LARP4B: variants seen among roughly 807,000 people sequenced by gnomAD.
The protein encoded by LARP4B is la-related protein 4B.
In LARP4B, 12 loss-of-function variants were observed where a neutral mutation model predicts 89.8. The observed-to-expected ratio is 0.13, with a 90% CI of 0.09 to 0.22. The LOEUF is 0.22. Among genes scored for constraint, LARP4B ranks in the 10% least tolerant of loss-of-function variants. The pLI is 1.00. For synonymous variants in LARP4B, 367 were observed against 363.3 expected (o/e 1.01, Z -0.12); for missense variants, 757 against 947.7 (o/e 0.80, Z 2.64).
intron 1 of LARP4B, among the ~76,000 whole-genome samples, chr10:910,558 T>A (rs1836640220): frequency 6.6e-6 from 1 of 152,210 alleles, no homozygotes; most frequent in African/African-American, 2.4e-5. Flanking sequence ...TTGGACTGTT[T>A]TTCAAACTCC....
At chr10:980,355 G>A in the LARP4B span, among the ~76,000 whole-genome samples, 1 of 152,230 alleles carries the variant, frequency 6.6e-6, no homozygotes, top group African/African-American at 2.4e-5. Context: ...CAGTGCCCCA[G>A]TGGGGACTCT....
chr10:895,648 G>C (rs1836165062), intron 1 of LARP4B, among the ~76,000 whole-genome samples: 1 of 150,286 alleles, frequency 6.7e-6, no homozygotes, highest in Non-Finnish European at 1.5e-5. Flanking sequence ...ACTCCAGCCT[G>C]GGCAACAGAG....
chr10:891,661 A>T (rs1442463477), intron 1 of LARP4B, among the ~76,000 whole-genome samples: 1 of 152,186 alleles, frequency 6.6e-6, no homozygotes, highest in African/African-American at 2.4e-5. Context: ...ATAAAAGGTT[A>T]AAAAAGTAAC....
chr10:890,287 G>C (rs1211629735), intron 1 of LARP4B, among the ~76,000 whole-genome samples: 1 of 152,080 alleles, frequency 6.6e-6, no homozygotes, highest in East Asian at 1.9e-4. Context: ...ATCCAATTGT[G>C]TAAACTGTAT....
intron 1 of LARP4B, among the ~76,000 whole-genome samples, chr10:922,955 G>C (rs1185259883): frequency 6.6e-6 from 1 of 151,970 alleles, no homozygotes; most frequent in East Asian, 1.9e-4. Flanking sequence ...CACGCCTGCA[G>C]TCCCAGTTAC....
At position 877,493 on chromosome 10, in the gene LARP4B, G is replaced by GT. The variant is rs111418362; in HGVS notation, c.141+6953dup. Among the ~76,000 whole-genome samples, 471 of 152,320 alleles carry GT rather than the reference G, an allele frequency of 3.1e-3. 5 individuals carry two copies. The highest frequency in any genetic ancestry group is 0.011 in the African/African-American group (456 of 41,558). On this transcript the variant is annotated intron_variant, in intron 3 of 17. Coordinates refer to ENST00000316157, the MANE Select transcript of LARP4B (RefSeq NM_015155.3). The stretch of plus-strand genomic sequence containing the variant: ...ATGAAATAACGGTGCCAAATACAAA[G>GT]TATTTCCTCTTGAGTTTGGACTCTG...
At chr10:951,506 A>C in the LARP4B span, among the ~76,000 whole-genome samples, 1 of 152,048 alleles carries the variant, frequency 6.6e-6, no homozygotes, top group Non-Finnish European at 1.5e-5. Flanking sequence ...AGATCGCGCC[A>C]CTGCACTCCA....
intron 8 of LARP4B, among the ~76,000 whole-genome samples, chr10:833,896 A>G (rs1051007825): frequency 2.6e-5 from 4 of 152,090 alleles, no homozygotes; most frequent in Admixed American, 6.5e-5. Flanking sequence ...TCAAAAAAAA[A>G]AAAAAAAAAG....
At chr10:942,932 T>C in the LARP4B span, among the ~76,000 whole-genome samples, 21 of 148,772 alleles carry the variant, frequency 1.4e-4, no homozygotes, top group Admixed American at 1.1e-3. Flanking sequence ...ATGATCACAG[T>C]CCAAGCTGAC....
chr10:900,272 G>A (rs897390961), intron 1 of LARP4B, among the ~76,000 whole-genome samples: 1 of 151,918 alleles, frequency 6.6e-6, no homozygotes, highest in South Asian at 2.1e-4. Flanking sequence ...GCTTGAACCT[G>A]GGAGAAGAAG....
chr10:962,462 G>GT, the LARP4B span, among the ~76,000 whole-genome samples: 3 of 152,264 alleles, frequency 2.0e-5, no homozygotes, highest in Non-Finnish European at 2.9e-5. Context: ...AACTCAGTCC[G>GT]TAAGAGTGCA....
chr10:926,129 A>C (rs1452168113), intron 1 of LARP4B, among the ~76,000 whole-genome samples: 2 of 152,200 alleles, frequency 1.3e-5, no homozygotes, highest in Non-Finnish European at 2.9e-5. Context: ...TACTTTCACT[A>C]AACATCTACA....
At chr10:820,640 G>C (rs749715234) in intron 14 of LARP4B, 160 bp downstream of exon 14, 1 of 663,482 alleles carries the variant, frequency 1.5e-6, no homozygotes, top group African/African-American at 1.8e-5. Context: ...TTCCTCCTAG[G>C]CCAGCCAGGG....
intron 8 of LARP4B, among the ~76,000 whole-genome samples, chr10:834,605 C>G (rs1175053228): frequency 6.6e-6 from 1 of 151,880 alleles, no homozygotes; most frequent in Non-Finnish European, 1.5e-5. Flanking sequence ...TCCTTTTTTT[C>G]CCCAACTTTT....
intron 1 of LARP4B, among the ~76,000 whole-genome samples, chr10:905,720 A>G (rs554927703): frequency 6.7e-6 from 1 of 149,756 alleles, no homozygotes; most frequent in Admixed American, 6.6e-5. Flanking sequence ...AGGAGCAGGG[A>G]AGGAGGGCAG....
Position 812,754 on chromosome 10 carries a change from AT to A in LARP4B, c.*171del, listed in dbSNP as rs56215024. On this transcript the variant is annotated 3_prime_UTR_variant, in exon 18 of 18. Coordinates refer to ENST00000316157, the MANE Select transcript of LARP4B (RefSeq NM_015155.3). Reference sequence around the variant, plus strand: ...GTATTAATTAAATCCTGAAAAATCGATTTTTTTTCAAGAGGGGGAGAATCCA... The same window carrying A: ...GTATTAATTAAATCCTGAAAAATCGATTTTTTTCAAGAGGGGGAGAATCCA... The A allele has an allele frequency of 4.3e-6, 2 of 465,346 alleles. No individual in the cohort carries two copies. The highest frequency in any genetic ancestry group is 7.0e-6 in the Non-Finnish European group (2 of 284,640). 28.8% of individuals were successfully genotyped at this position (465,346 alleles called of 1,614,324 possible). A position where few individuals can be genotyped will look rare whatever the true frequency, so the allele number is the denominator to read the frequency against.
intron 5 of LARP4B, among the ~76,000 whole-genome samples, chr10:858,986 T>TA (rs201972659): frequency 0.021 from 3,253 of 152,250 alleles, 66 homozygotes; most frequent in Admixed American, 0.061. Flanking sequence ...ACCCTGTCTC[T>TA]ACAAAAAATA....
the LARP4B span, among the ~76,000 whole-genome samples, chr10:949,710 TTC>T: frequency 1.9e-4 from 29 of 152,376 alleles, no homozygotes; most frequent in South Asian, 1.7e-3. Context: ...TTCGGTGTCA[TTC>T]TCTCGGACAT....
Position 825,250 on chromosome 10 carries a change from T to G in LARP4B, c.1299A>C (p.Glu433Asp). The G allele has an allele frequency of 6.2e-7, 1 of 1,613,782 alleles. No homozygotes were observed. Among genetic ancestry groups the G allele is most frequent in the Non-Finnish European group, 8.5e-7 (1 of 1,179,668 alleles). ...CAGTGAAGTTAAATATTGAAGGACTTTCTAATAACCCAGGTCCCCTCTCTG... is the reference window on the plus strand; with the variant it reads ...CAGTGAAGTTAAATATTGAAGGACTGTCTAATAACCCAGGTCCCCTCTCTG... ...PSAERGPGLL[E>D]SPSIFNFTAD... Residue 433 changes from glutamate to aspartate, a missense_variant, in exon 13 of 18, where the codon GAA becomes GAC. Around this residue, in one of 5 missense-constraint regions of LARP4B, gnomAD observed 387 missense variants for 423.6 expected, o/e 0.91. Transcript: ENST00000316157.
Sources: gnomAD v4.1 joint callset for allele counts (sites outside exome capture counted in the v4.1 genomes callset) on GRCh38, gnomAD v4.1.1 for gene constraint, gnomAD v4.1.1 regional missense constraint, MANE v1.5 for transcripts, NCBI Gene and HGNC (gene_info 2026-07-23, HGNC 2026-07-21) for gene names.